DPYSL4: variants seen among roughly 807,000 people sequenced by gnomAD.
DPYSL4 encodes dihydropyrimidinase like 4.
In DPYSL4, 43 loss-of-function variants were observed where a neutral mutation model predicts 63.4. The ratio of observed to expected loss-of-function variants is 0.68; its 90% CI spans 0.53 to 0.88. The LOEUF is 0.88. Ranked by LOEUF, DPYSL4 falls within the 40% of genes least tolerant of loss-of-function variation. DPYSL4 has a pLI of 0.00. For missense variants in DPYSL4, 733 were observed against 819.5 expected, an observed-to-expected ratio of 0.89 and a Z score of 1.29; for synonymous variants, 353 against 331.7, an observed-to-expected ratio of 1.06 and a Z score of -0.70.
At chr10:132,197,153 A>G in intron 6 of DPYSL4, 52 bp downstream of exon 6, 1 of 1,428,904 alleles carries the variant, frequency 7.0e-7, no homozygotes, top group Non-Finnish European at 9.3e-7. Flanking sequence ...GCCGTGGGGC[A>G]GGGGCTGCCT....
intron 4 of DPYSL4, 78 bp downstream of exon 4, chr10:132,195,087 G>C: frequency 6.7e-7 from 1 of 1,494,348 alleles, no homozygotes; most frequent in South Asian, 1.3e-5. Flanking sequence ...GTGTTCTGCC[G>C]ATGGTGCTGC....
At position 132,198,966 on chromosome 10, in the gene DPYSL4, G is replaced by A. The variant is rs781719803; in HGVS notation, c.806G>A (p.Arg269His). ...GAADAIAQAK[R>H]RGVVVFGEPI... ...GCCGACGCCATCGCTCAGGCCAAGC[G>A]CAGAGGTGAGCACCCAGCCCCGCCT... Residue 269 changes from arginine (R) to histidine (H), a missense_variant, in exon 8 of 14, where the codon CGC (arginine) becomes CAC (histidine). Arg to His is a conservative substitution (Grantham distance 29). Coordinates refer to ENST00000338492, the MANE Select transcript of DPYSL4 (RefSeq NM_006426.3). 1.4e-5 allele frequency: 23 copies of A among 1,606,866 alleles called. No individual in the cohort carries two copies. Among genetic ancestry groups the A allele is most frequent in the Admixed American group, 1.2e-4 (7 of 59,732 alleles).
intron 12 of DPYSL4, 131 bp downstream of exon 12, chr10:132,202,956 G>A (rs1025312686): frequency 3.5e-6 from 4 of 1,128,014 alleles, no homozygotes; most frequent in Non-Finnish European, 4.9e-6. Flanking sequence ...GCCGCTGCTT[G>A]CCCAGGGCCC....
chr10:132,201,984 G>A lies in DPYSL4; in HGVS notation c.1149G>A (p.Val383=), dbSNP rs1354195610. The A allele has an allele frequency of 3.1e-6, 5 of 1,613,302 alleles. No homozygotes were observed. The South Asian group carries it at 5.5e-5, about 18-fold the overall frequency. The change falls in exon 11 of 14, where the codon GTG becomes GTA. Residue 383 remains valine (V), a synonymous_variant. Coordinates refer to ENST00000338492, the MANE Select transcript of DPYSL4 (RefSeq NM_006426.3). ...GKMDENEFVA[V]TSTNAAKIFN... ...TGGACGAGAATGAGTTCGTCGCGGT[G>A]ACCAGTACAAATGCTGCCAAAATCT...
intron 7 of DPYSL4, 38 bp downstream of exon 7, chr10:132,198,521 TCC>T: frequency 1.9e-6 from 3 of 1,558,430 alleles, no homozygotes; most frequent in African/African-American, 2.7e-5. Context: ...CCGAGCCAAC[TCC>T]GCCCAGACCA....
chr10:132,198,483 G>A lies in DPYSL4; in HGVS notation c.690G>A (p.Glu230=). Residue 230 remains glutamate (E), a splice_region_variant and synonymous_variant, in exon 7 of 14, where the codon GAG becomes GAA. Coordinates refer to ENST00000338492, the MANE Select transcript of DPYSL4 (RefSeq NM_006426.3). ...PEGHVLSHPE[E]VEAEAVYRAV... is the part of the protein sequence containing the mutation. ...GCCACGTGCTCAGCCACCCCGAGGA[G>A]GTAAGATCCCAGGGCACCACAGCAC... is the stretch of plus-strand genomic sequence containing the variant. 1 of 1,600,624 alleles carries A rather than the reference G, an allele frequency of 6.2e-7. No individual in the cohort carries two copies. The highest frequency in any genetic ancestry group is 8.5e-7 in the Non-Finnish European group (1 of 1,176,522).
At chr10:132,198,592 G>A (rs758814685) in intron 7 of DPYSL4, 109 bp downstream of exon 7, 28 of 1,208,406 alleles carry the variant, frequency 2.3e-5, no homozygotes, top group Middle Eastern at 2.5e-4. Flanking sequence ...CACTGTGCTC[G>A]CCCCGACCTC....
chr10:132,204,751 C>T (rs951829035), intron 13 of DPYSL4, 88 bp from the exon 14 acceptor site: 20 of 1,186,984 alleles, frequency 1.7e-5, no homozygotes, highest in South Asian at 6.7e-5. Context: ...GCCCCACTGA[C>T]GCAGCCACTG....
chr10:132,194,166 C>T (rs1005342380), intron 3 of DPYSL4, among the ~76,000 whole-genome samples: 5 of 152,258 alleles, frequency 3.3e-5, no homozygotes, highest in African/African-American at 1.2e-4. Context: ...GCTGGGTGCC[C>T]ACTTCATCTT....
Position 132,197,204 on chromosome 10 carries a change from G to A in DPYSL4, c.621+103G>A, listed in dbSNP as rs191244374. On this transcript the variant is annotated intron_variant, in intron 6 of 13. Coordinates refer to ENST00000338492, the MANE Select transcript of DPYSL4 (RefSeq NM_006426.3). ...GGTCTGAGGGTGACTTTCATGATAC[G>A]CAGACATCAGCACAGAATCCCACAA... 3.5e-4 allele frequency: 351 copies of A among 997,866 alleles called. 1 individual carries two copies. The East Asian group carries it at 7.5e-3, about 21-fold the overall frequency. 61.8% of individuals were successfully genotyped at this position (997,866 alleles called of 1,614,324 possible).
intron 2 of DPYSL4, chr10:132,192,274 TC>T: frequency 1.0e-5 from 10 of 980,974 alleles, no homozygotes; most frequent in Non-Finnish European, 1.2e-5. Flanking sequence ...GTTTCTTTGT[TC>T]ATCGCAGCAC....
intron 10 of DPYSL4, 73 bp downstream of exon 10, chr10:132,201,056 G>A: frequency 2.5e-6 from 4 of 1,569,414 alleles, no homozygotes; most frequent in Non-Finnish European, 3.5e-6. Context: ...CTGGTCAGAA[G>A]GGAGCCCATC....
At position 132,202,592 on chromosome 10, in the gene DPYSL4, G is replaced by A. The variant is rs554582273; in HGVS notation, c.1282-54G>A. 420 of 1,598,450 alleles carry A rather than the reference G, an allele frequency of 2.6e-4. 2 individuals are homozygous for A. Among genetic ancestry groups the A allele is most frequent in the East Asian group, 6.7e-5 (3 of 44,798 alleles). On this transcript the variant is annotated intron_variant, in intron 11 of 13. Transcript: ENST00000338492. ...AGTGCTCCAGCGGCTCAACGGGGAT[G>A]GGACTGTTGGGCCCCAGCGTGGAGG...
Position 132,198,925 on chromosome 10 carries a change from G to A in DPYSL4, c.765G>A (p.Val255=), listed in dbSNP as rs1335031155. 3 of 1,612,882 alleles carry A rather than the reference G, an allele frequency of 1.9e-6. No homozygotes were observed. Among genetic ancestry groups the A allele is most frequent in the South Asian group, 2.2e-5 (2 of 91,086 alleles). The part of the protein sequence containing the change: ...QANCPLYVTK[V]MSKGAADAIA... ...ACTGCCCGCTGTACGTCACCAAGGT[G>A]ATGAGCAAGGGGGCGGCCGACGCCA... Residue 255 remains valine (V), a synonymous_variant, in exon 8 of 14, where the codon GTG becomes GTA. Transcript: ENST00000338492.
At chr10:132,203,606 G>C (rs2062051306) in intron 12 of DPYSL4, 156 bp from the exon 13 acceptor site, 1 of 684,810 alleles carries the variant, frequency 1.5e-6, no homozygotes, top group African/African-American at 1.8e-5. Context: ...CACCCCCCCA[G>C]GGCAGCCCCA....
At position 132,192,760 on chromosome 10, in the gene DPYSL4, G is replaced by A. The variant is rs371676749; in HGVS notation, c.231G>A (p.Gln77=). 542 of 1,613,418 alleles carry A rather than the reference G, an allele frequency of 3.4e-4. 4 individuals carry two copies. The South Asian group carries it at 5.7e-3, about 17-fold the overall frequency. Residue 77 remains glutamine, a synonymous_variant, in exon 3 of 14, where the codon CAG becomes CAA. Coordinates refer to ENST00000338492, the MANE Select transcript of DPYSL4 (RefSeq NM_006426.3). The part of the protein sequence containing the change: ...PGGVDVHTRL[Q]MPVLGMTPAD... ...GCGTTGACGTCCACACAAGGCTGCA[G>A]ATGCCTGTCCTGGGCATGACACCGG...
intron 13 of DPYSL4, 96 bp downstream of exon 13, chr10:132,204,023 C>T: frequency 3.4e-6 from 5 of 1,454,328 alleles, no homozygotes; most frequent in Non-Finnish European, 4.7e-6. Context: ...AGAGGGGCTG[C>T]ACACGGAAGG....
intron 10 of DPYSL4, among the ~76,000 whole-genome samples, 166 bp downstream of exon 10, chr10:132,201,149 T>C (rs11592988): frequency 0.45 from 68,722 of 151,978 alleles, 16,458 homozygotes; most frequent in Admixed American, 0.59. Context: ...CTCAGACACG[T>C]GGTTCTGGCC....
At chr10:132,204,402 T>C (rs1302876303) in intron 13 of DPYSL4, among the ~76,000 whole-genome samples, 1 of 152,076 alleles carries the variant, frequency 6.6e-6, no homozygotes, top group Non-Finnish European at 1.5e-5. Flanking sequence ...GCCTCTGGCG[T>C]CGCTTCTGGT....
Sources: gnomAD v4.1 joint callset for allele counts (sites outside exome capture counted in the v4.1 genomes callset) on GRCh38, gnomAD v4.1.1 for gene constraint, MANE v1.5 for transcripts, NCBI Gene and HGNC (gene_info 2026-07-23, HGNC 2026-07-21) for gene names.